Variants in RECK observed in about 807,000 individuals in gnomAD.
RECK encodes reversion-inducing cysteine-rich protein with Kazal motifs.
RECK carries 69 observed loss-of-function variants against 115.1 expected under a neutral mutation model. That is an observed-to-expected ratio of 0.60 (90% CI 0.49 to 0.73). The LOEUF is 0.73. Among genes scored for constraint, RECK ranks in the 30% least tolerant of loss-of-function variants. RECK has a pLI of 0.00. For missense variants in RECK, 1,047 were observed against 1,203.7 expected (o/e 0.87, Z 1.93); for synonymous variants, 414 against 419.7 (o/e 0.99, Z 0.17).
chr9:36,055,104 G>T (rs1378877324), intron 2 of RECK, among the ~76,000 whole-genome samples: 1 of 152,030 alleles, frequency 6.6e-6, no homozygotes, highest in African/African-American at 2.4e-5. Context: ...ATACAAGTTT[G>T]GTTATTAAAT....
intron 8 of RECK, among the ~76,000 whole-genome samples, chr9:36,086,602 C>T (rs529361096): frequency 1.3e-5 from 2 of 152,252 alleles, no homozygotes; most frequent in African/African-American, 4.8e-5. Flanking sequence ...GGGTGGCCAG[C>T]TTTTATTCCC....
chr9:36,077,711 C>A (rs1822504513), intron 6 of RECK, among the ~76,000 whole-genome samples: 1 of 152,140 alleles, frequency 6.6e-6, no homozygotes, highest in East Asian at 1.9e-4. Context: ...TATTAATGAA[C>A]ATCAAGAGAA....
chr9:36,088,072 T>C (rs1424345992), intron 9 of RECK, 111 bp downstream of exon 9: 31 of 755,750 alleles, frequency 4.1e-5, no homozygotes, highest in Admixed American at 8.0e-5. Context: ...GTTTAGCATT[T>C]AGAAAATATA....
intron 4 of RECK, among the ~76,000 whole-genome samples, chr9:36,061,916 A>G (rs1476697651): frequency 6.6e-6 from 1 of 152,164 alleles, no homozygotes; most frequent in Non-Finnish European, 1.5e-5. Context: ...TTTTAGCAGA[A>G]TGCTTCTATT....
chr9:36,053,743 C>CATTA (rs1821402178), intron 2 of RECK, among the ~76,000 whole-genome samples: 1 of 152,036 alleles, frequency 6.6e-6, no homozygotes, highest in Non-Finnish European at 1.5e-5. Context: ...TAATGAGGCA[C>CATTA]CAGCAGCAGG....
In RECK at chr9:36,079,974, C is replaced by T. The variant is rs189493582; in HGVS notation, c.406-631C>T. On this transcript the variant is annotated intron_variant, in intron 6 of 20. Coordinates refer to ENST00000377966, the MANE Select transcript of RECK (RefSeq NM_021111.3). Reference sequence around the variant, plus strand: ...TTTTGACTTTTTCTATTACCTGGGGCGGGTCTCTTTTACCCTGCTGAGGAA... The same window carrying T: ...TTTTGACTTTTTCTATTACCTGGGGTGGGTCTCTTTTACCCTGCTGAGGAA... Among the ~76,000 whole-genome samples the T allele has an allele frequency of 3.6e-3, 555 of 152,174 alleles. 4 individuals carry two copies. The highest frequency in any genetic ancestry group is 0.01 in the Middle Eastern group (3 of 294).
chr9:36,118,669 T>C, intron 17 of RECK, 88 bp from the exon 18 acceptor site: 1 of 1,279,066 alleles, frequency 7.8e-7, no homozygotes. Flanking sequence ...TTTTCCTTCC[T>C]GAAAATAGGG....
chr9:36,038,794 A>T (rs1273333865), intron 1 of RECK, among the ~76,000 whole-genome samples: 1 of 151,830 alleles, frequency 6.6e-6, no homozygotes, highest in Non-Finnish European at 1.5e-5. Flanking sequence ...TTCCTGTGGT[A>T]AAACAAACAA....
At chr9:36,066,544 A>G (rs910379743) in intron 6 of RECK, among the ~76,000 whole-genome samples, 11 of 151,822 alleles carry the variant, frequency 7.2e-5, no homozygotes, top group Non-Finnish European at 1.5e-4. Flanking sequence ...GTTCCTTTGT[A>G]CTGTTTGCTA....
chr9:36,059,178 C>T lies in RECK; in HGVS notation c.234+277C>T, dbSNP rs924450132. Among the ~76,000 whole-genome samples, 3 of 151,996 alleles carry T rather than the reference C, an allele frequency of 2.0e-5. No individual in the cohort carries two copies. The East Asian group carries it at 5.8e-4, about 29-fold the overall frequency. On this transcript the variant is annotated intron_variant, in intron 3 of 20. Coordinates refer to ENST00000377966, the MANE Select transcript of RECK (RefSeq NM_021111.3). The stretch of plus-strand genomic sequence containing the variant: ...TTCATTATAGTATTTTATCTGGGGT[C>T]GGGCGTGGTGGCTGATGCCTGTAAT...
chr9:36,039,109 A>G lies in RECK; in HGVS notation c.100+2011A>G, dbSNP rs55650100. Among the ~76,000 whole-genome samples the G allele has an allele frequency of 4.8e-3, 738 of 152,274 alleles. 4 individuals carry two copies. The highest frequency in any genetic ancestry group is 0.017 in the African/African-American group (712 of 41,550). On this transcript the variant is annotated intron_variant, in intron 1 of 20. Coordinates refer to ENST00000377966, the MANE Select transcript of RECK (RefSeq NM_021111.3). ...GAAAATGCTGGGTTAGTTGATTTCT[A>G]AAGGCCCTTCTAAGCTCTAAAAGTT...
intron 12 of RECK, among the ~76,000 whole-genome samples, chr9:36,102,542 C>CACAT (rs1466432528): frequency 3.3e-5 from 5 of 152,112 alleles, no homozygotes; most frequent in Non-Finnish European, 7.4e-5. Context: ...GTCTTCTTAC[C>CACAT]ATAATAATGA....
chr9:36,073,238 A>ACACC lies in RECK; in HGVS notation c.406-7365_406-7364insCCCA, dbSNP rs1822310757. 2.9e-5 allele frequency among the ~76,000 whole-genome samples: 2 copies of ACACC among 68,654 alleles called. 1 individual carries two copies. Among genetic ancestry groups the ACACC allele is most frequent in the African/African-American group, 1.1e-4 (2 of 17,544 alleles). 45.0% of individuals were successfully genotyped at this position (68,654 alleles called of 152,430 possible). On this transcript the variant is annotated intron_variant, in intron 6 of 20. Coordinates refer to ENST00000377966, the MANE Select transcript of RECK (RefSeq NM_021111.3). Reference sequence around the variant, plus strand: ...AACACACAGACACACACAGACACACACAGACACACACACACACACACACAC... The same window carrying ACACC: ...AACACACAGACACACACAGACACACACACCCAGACACACACACACACACACACAC...
At chr9:36,059,410 A>G (rs955864600) in intron 3 of RECK, among the ~76,000 whole-genome samples, 1 of 151,594 alleles carries the variant, frequency 6.6e-6, no homozygotes, top group African/African-American at 2.4e-5. Flanking sequence ...GAGCTGAGAT[A>G]GCATCACTGC....
At chr9:36,046,950 T>C (rs1821091041) in intron 1 of RECK, among the ~76,000 whole-genome samples, 1 of 152,218 alleles carries the variant, frequency 6.6e-6, no homozygotes. Flanking sequence ...ATAACACATT[T>C]TGTGTTTCTG....
intron 18 of RECK, 31 bp downstream of exon 18, chr9:36,118,998 A>G (rs1587101789): frequency 6.3e-7 from 1 of 1,593,496 alleles, no homozygotes; most frequent in Non-Finnish European, 8.6e-7. Context: ...TGGACAGGGG[A>G]GGACTGAGAA....
intron 13 of RECK, 88 bp downstream of exon 13, chr9:36,105,371 T>G (rs1823760356): frequency 7.5e-7 from 1 of 1,332,638 alleles, no homozygotes; most frequent in African/African-American, 1.5e-5. Flanking sequence ...TCAATCCTGC[T>G]CCTTCTGTAA....
chr9:36,122,817 CT>C lies in RECK; in HGVS notation c.2695-6del. On this transcript the variant is annotated splice_region_variant and splice_polypyrimidine_tract_variant and intron_variant, in intron 20 of 20. Transcript: ENST00000377966. ...TTATATTAAGGGAACCTTGTTTCTC[CT>C]CACAGATTGAAGCCTGCAATAAAGA... 6.2e-7 allele frequency: 1 copy of C among 1,611,918 alleles called. No homozygotes were observed.
intron 10 of RECK, among the ~76,000 whole-genome samples, chr9:36,098,669 G>C (rs141846024): frequency 2.6e-5 from 4 of 152,064 alleles, no homozygotes; most frequent in Admixed American, 6.6e-5. Context: ...ACCCTTATTC[G>C]TAATAGCCCA....
Sources: gnomAD v4.1 joint callset for allele counts (sites outside exome capture counted in the v4.1 genomes callset) on GRCh38, gnomAD v4.1.1 for gene constraint, MANE v1.5 for transcripts, NCBI Gene and HGNC (gene_info 2026-07-23, HGNC 2026-07-21) for gene names.